The following ITGB3BP variants were observed in gnomAD, a reference collection of about 807,000 sequenced individuals.
ITGB3BP encodes centromere protein R.
A neutral mutation model predicts 29.1 loss-of-function variants in ITGB3BP; 27 were observed. The observed-to-expected ratio is 0.93, with a 90% CI of 0.68 to 1.28. The LOEUF is 1.28. ITGB3BP is among the 50% of genes most tolerant of loss of function. The pLI, the probability that ITGB3BP is intolerant of heterozygous loss-of-function variation, is 0.00. For missense variants in ITGB3BP, 192 were observed against 200.2 expected (o/e 0.96, Z 0.25); for synonymous variants, 61 against 61.4 (o/e 0.99, Z 0.03).
chr1:63,464,076 A>G (rs796325242), intron 4 of ITGB3BP, among the ~76,000 whole-genome samples: 14 of 152,296 alleles, frequency 9.2e-5, no homozygotes, highest in African/African-American at 3.4e-4. Flanking sequence ...TGAGGGAGGG[A>G]TTAACACTAC....
chr1:63,443,880 CTTG>C (rs1014207495), intron 8 of ITGB3BP, among the ~76,000 whole-genome samples: 1 of 131,988 alleles, frequency 7.6e-6, no homozygotes, highest in Non-Finnish European at 1.7e-5. Flanking sequence ...AATCAGTATA[CTTG>C]GGGGACATTG....
intron 2 of ITGB3BP, among the ~76,000 whole-genome samples, chr1:63,491,904 A>G (rs776142024): frequency 8.1e-6 from 1 of 122,714 alleles, no homozygotes; most frequent in Non-Finnish European, 1.8e-5. Flanking sequence ...CTCCATCTTG[A>G]GTTTTTACCT....
chr1:63,460,282 C>A (rs150394853), intron 4 of ITGB3BP, among the ~76,000 whole-genome samples: 1 of 152,140 alleles, frequency 6.6e-6, no homozygotes, highest in African/African-American at 2.4e-5. Flanking sequence ...AACTGTATAA[C>A]CATTAAGCAG....
In ITGB3BP at chr1:63,515,808, A is replaced by G. The variant is rs1420355206; in HGVS notation, c.6-7238T>C. Among the ~76,000 whole-genome samples the G allele has an allele frequency of 2.1e-5, 3 of 144,722 alleles. No individual in the cohort carries two copies. In the Admixed American group the frequency reaches 2.1e-4, roughly 10 times the overall value. 94.9% of individuals were successfully genotyped at this position (144,722 alleles called of 152,430 possible). On this transcript the variant is annotated intron_variant, in intron 1 of 8. Coordinates refer to ENST00000271002, the MANE Select transcript of ITGB3BP (RefSeq NM_014288.5). ...ACCACTGCACTCCAGTCTGGACAAC[A>G]GAGCAAGACTCCAACTTAAAAAAAA...
chr1:63,477,422 G>C (rs896291526), intron 4 of ITGB3BP, among the ~76,000 whole-genome samples: 1 of 152,152 alleles, frequency 6.6e-6, no homozygotes, highest in African/African-American at 2.4e-5. Context: ...TACAGCATAA[G>C]ATCATAAGCT....
At chr1:63,510,958 G>A (rs754498993) in intron 1 of ITGB3BP, among the ~76,000 whole-genome samples, 1 of 152,128 alleles carries the variant, frequency 6.6e-6, no homozygotes. Flanking sequence ...GGTAAAATTT[G>A]ATTAGATATA....
At chr1:63,469,440 C>A (rs954819892) in intron 4 of ITGB3BP, among the ~76,000 whole-genome samples, 1 of 152,022 alleles carries the variant, frequency 6.6e-6, no homozygotes, top group African/African-American at 2.4e-5. Flanking sequence ...AATTCTCCTG[C>A]CTCAGCCTCC....
intron 4 of ITGB3BP, among the ~76,000 whole-genome samples, chr1:63,468,073 T>C (rs1219938508): frequency 6.6e-6 from 1 of 152,222 alleles, no homozygotes; most frequent in Non-Finnish European, 1.5e-5. Context: ...TCTCTGGCTA[T>C]GGGCTTCTTT....
intron 2 of ITGB3BP, among the ~76,000 whole-genome samples, chr1:63,502,796 G>A (rs2100743962): frequency 6.6e-6 from 1 of 151,862 alleles, no homozygotes; most frequent in South Asian, 2.1e-4. Flanking sequence ...TATTTGCTGA[G>A]AATGATGGTT....
chr1:63,512,696 T>G (rs1646226920), intron 1 of ITGB3BP, among the ~76,000 whole-genome samples: 1 of 152,086 alleles, frequency 6.6e-6, no homozygotes, highest in Non-Finnish European at 1.5e-5. Flanking sequence ...TGTAAAGTAG[T>G]AAGAAATTTC....
At chr1:63,476,111 T>C (rs12748334) in intron 4 of ITGB3BP, among the ~76,000 whole-genome samples, 5,085 of 151,832 alleles carry the variant, frequency 0.033, 101 homozygotes, top group Non-Finnish European at 0.045. Flanking sequence ...CACAGTGTAC[T>C]ACAGCCCTGA....
rs1644898738 is a variant in ITGB3BP, at chr1:63,454,064, AT to A, written c.428-91del. On this transcript the variant is annotated intron_variant, in intron 6 of 8. Transcript: ENST00000271002. The surrounding 1 kb of genome is among the most constrained non-coding windows in gnomAD (Gnocchi z 4.1). ...CAACAAACAACTTCATGAGAAAAAA[AT>A]AATTCAAAATAATACATATTTATAA... The A allele has an allele frequency of 4.6e-6, 3 of 649,672 alleles. No individual in the cohort carries two copies. Among genetic ancestry groups the A allele is most frequent in the South Asian group, 2.0e-5 (1 of 50,376 alleles). The allele number at this position is 649,672 out of a possible 1,614,324, so 40.2% of individuals were successfully genotyped here.
intron 1 of ITGB3BP, among the ~76,000 whole-genome samples, chr1:63,513,767 T>C (rs970747723): frequency 6.6e-6 from 1 of 152,156 alleles, no homozygotes; most frequent in African/African-American, 2.4e-5. Context: ...GCTCCCATCA[T>C]CCACAATACA....
chr1:63,521,909 AG>A (rs1259520059), intron 1 of ITGB3BP, among the ~76,000 whole-genome samples: 7 of 152,172 alleles, frequency 4.6e-5, no homozygotes, highest in Admixed American at 6.5e-5. Flanking sequence ...CTGTATTCTT[AG>A]GGATTTTGTG....
At chr1:63,464,361 T>C (rs1203470810) in intron 4 of ITGB3BP, among the ~76,000 whole-genome samples, 1 of 152,210 alleles carries the variant, frequency 6.6e-6, no homozygotes, top group African/African-American at 2.4e-5. Flanking sequence ...ATTCTGCAAG[T>C]ATTTTGTGTA....
At chr1:63,510,033 A>G in intron 1 of ITGB3BP, 1 of 550,940 alleles carries the variant, frequency 1.8e-6, no homozygotes, top group Non-Finnish European at 3.3e-6. Flanking sequence ...TACTAAAAAT[A>G]CAAAATATTA....
intron 4 of ITGB3BP, among the ~76,000 whole-genome samples, chr1:63,466,064 T>C (rs12749571): frequency 0.018 from 2,804 of 152,300 alleles, 28 homozygotes; most frequent in Middle Eastern, 0.027. Context: ...CAAATGCAGC[T>C]GAAAGGATTC....
intron 2 of ITGB3BP, among the ~76,000 whole-genome samples, chr1:63,505,297 G>A (rs1223249784): frequency 1.3e-5 from 2 of 152,026 alleles, no homozygotes; most frequent in Non-Finnish European, 2.9e-5. Flanking sequence ...GTTTATTTGC[G>A]TAGAGGTGTT....
chr1:63,458,341 A>G (rs1337835767), intron 4 of ITGB3BP: 3 of 152,026 alleles, frequency 2.0e-5, no homozygotes, highest in Non-Finnish European at 4.4e-5. Flanking sequence ...CTTTTTCTCT[A>G]TTAAGTTCCT....
Sources: gnomAD v4.1 joint callset for allele counts (sites outside exome capture counted in the v4.1 genomes callset) on GRCh38, gnomAD v4.1.1 for gene constraint, Gnocchi (gnomAD v3.1) non-coding constraint, MANE v1.5 for transcripts, NCBI Gene and HGNC (gene_info 2026-07-23, HGNC 2026-07-21) for gene names.